The following ZNF385D variants were observed in gnomAD, a reference collection of about 807,000 sequenced individuals.
ZNF385D encodes the protein zinc finger protein 659.
In ZNF385D, 15 loss-of-function variants were observed where a neutral mutation model predicts 35.8. That is an observed-to-expected ratio of 0.42 (90% CI 0.28 to 0.64). The LOEUF (loss-of-function observed/expected upper bound fraction) is 0.64. Ranked by LOEUF, ZNF385D falls within the 30% of genes least tolerant of loss-of-function variation. The pLI is 0.23. For synonymous variants in ZNF385D, 212 were observed against 186.8 expected, an observed-to-expected ratio of 1.13 and a Z score of -1.10; for missense variants, 474 against 494.6, an observed-to-expected ratio of 0.96 and a Z score of 0.39.
chr3:22,204,400 C>T (rs13100521), intron 2 of ZNF385D, among the ~76,000 whole-genome samples: 27,886 of 151,852 alleles, frequency 0.18, 2,809 homozygotes, highest in African/African-American at 0.23. Context: ...TGGAAACAAA[C>T]AATCCCAGAT....
In ZNF385D at chr3:21,764,792, G is replaced by C. The variant is rs2070756830; in HGVS notation, c.326-99764C>G. Among the ~76,000 whole-genome samples, 4 of 152,242 alleles carry C rather than the reference G, an allele frequency of 2.6e-5. No individual in the cohort carries two copies. In the South Asian group the frequency reaches 8.3e-4, roughly 32 times the overall value. ...CACAGAGTGGCACTGAAGCATGGAA[G>C]AAATGACACTTTGAGGAAAATACCA... On this transcript the variant is annotated intron_variant, in intron 3 of 5. Coordinates refer to the ZNF385D transcript ENST00000494108.
chr3:21,758,464 A>T (rs1482492843), intron 3 of ZNF385D, among the ~76,000 whole-genome samples: 2 of 152,154 alleles, frequency 1.3e-5, no homozygotes, highest in Admixed American at 1.3e-4. Flanking sequence ...TCTGAAGGAA[A>T]CCCAGCTAGG....
At chr3:21,744,274 A>G (rs2069658060) in intron 1 of ZNF385D, among the ~76,000 whole-genome samples, 1 of 152,232 alleles carries the variant, frequency 6.6e-6, no homozygotes, top group Admixed American at 6.5e-5. Flanking sequence ...AAATTGCTAT[A>G]CAAGTGTAAG....
chr3:21,948,062 T>C (rs1421909044), intron 3 of ZNF385D, among the ~76,000 whole-genome samples: 1 of 150,740 alleles, frequency 6.6e-6, no homozygotes. Flanking sequence ...CTGGACTTTC[T>C]GTTATAATTT....
chr3:22,273,488 G>A (rs1397210709), intron 2 of ZNF385D, among the ~76,000 whole-genome samples: 1 of 151,914 alleles, frequency 6.6e-6, no homozygotes, highest in African/African-American at 2.4e-5. Context: ...GGCCAGAGAA[G>A]ATGTTAAATA....
At chr3:22,167,864 T>A (rs1051277384) in intron 3 of ZNF385D, among the ~76,000 whole-genome samples, 2 of 152,212 alleles carry the variant, frequency 1.3e-5, no homozygotes, top group Non-Finnish European at 2.9e-5. Context: ...AAATAAAAAA[T>A]CCTTTCCAAT....
At chr3:21,609,940 T>G (rs1410643213) in intron 2 of ZNF385D, among the ~76,000 whole-genome samples, 1 of 152,210 alleles carries the variant, frequency 6.6e-6, no homozygotes, top group Non-Finnish European at 1.5e-5. Context: ...TTAGCTTTAC[T>G]CTTAAACTGT....
intron 7 of ZNF385D, among the ~76,000 whole-genome samples, chr3:21,422,425 C>A (rs1402150746): frequency 6.6e-6 from 1 of 152,148 alleles, no homozygotes; most frequent in Non-Finnish European, 1.5e-5. Context: ...AAATTTGTGT[C>A]ATGCCTTGCT....
intron 2 of ZNF385D, among the ~76,000 whole-genome samples, chr3:22,246,841 AATTCTG>A (rs1699809904): frequency 6.6e-6 from 1 of 152,136 alleles, no homozygotes; most frequent in Non-Finnish European, 1.5e-5. Flanking sequence ...CTTCCCTAGA[AATTCTG>A]ATTCTAATTA....
chr3:21,714,876 C>T (rs899177196), intron 1 of ZNF385D, among the ~76,000 whole-genome samples: 6 of 152,152 alleles, frequency 3.9e-5, no homozygotes, highest in African/African-American at 1.4e-4. Flanking sequence ...ATAAGACACA[C>T]ATGCATATTA....
chr3:21,792,490 T>A (rs1168590815), intron 3 of ZNF385D, among the ~76,000 whole-genome samples: 2 of 152,222 alleles, frequency 1.3e-5, no homozygotes, highest in Non-Finnish European at 2.9e-5. Flanking sequence ...CAGTTGAGTA[T>A]TCCGCTGGAG....
chr3:21,669,013 T>A (rs1220369559), intron 1 of ZNF385D, among the ~76,000 whole-genome samples: 1 of 152,206 alleles, frequency 6.6e-6, no homozygotes, highest in Non-Finnish European at 1.5e-5. Context: ...TTCATTGGAA[T>A]GCCACATTTC....
At chr3:22,326,022 C>T (rs1694660931) in intron 2 of ZNF385D, among the ~76,000 whole-genome samples, 1 of 152,114 alleles carries the variant, frequency 6.6e-6, no homozygotes, top group Non-Finnish European at 1.5e-5. Context: ...GACACACTGG[C>T]TCTCTTCCCT....
chr3:21,786,026 T>TTC (rs1244683813), intron 3 of ZNF385D, among the ~76,000 whole-genome samples: 3 of 151,856 alleles, frequency 2.0e-5, no homozygotes, highest in Non-Finnish European at 4.4e-5. Flanking sequence ...TTTACCCTTT[T>TTC]TTTTTTTACC....
chr3:22,248,229 T>A (rs1370805444), intron 2 of ZNF385D, among the ~76,000 whole-genome samples: 1 of 152,102 alleles, frequency 6.6e-6, no homozygotes, highest in East Asian at 1.9e-4. Flanking sequence ...CAATCACCAA[T>A]CACCTGCAAG....
chr3:22,060,947 CAAATTA>C (rs1699657004), intron 3 of ZNF385D, among the ~76,000 whole-genome samples: 1 of 151,764 alleles, frequency 6.6e-6, no homozygotes, highest in South Asian at 2.1e-4. Flanking sequence ...AATTTCATAT[CAAATTA>C]AAATTAAGTA....
intron 3 of ZNF385D, among the ~76,000 whole-genome samples, chr3:22,111,168 T>TG (rs1702503285): frequency 1.6e-5 from 2 of 122,238 alleles, no homozygotes; most frequent in South Asian, 2.7e-4. Context: ...TTTTTTTTTT[T>TG]TTTTTTTTGT....
chr3:22,243,642 C>G (rs899511435), intron 2 of ZNF385D, among the ~76,000 whole-genome samples: 1 of 150,976 alleles, frequency 6.6e-6, no homozygotes, highest in Admixed American at 6.6e-5. Context: ...AAATGAAAAT[C>G]AAAAGATGTT....
At chr3:21,826,083 C>T (rs950074572) in intron 3 of ZNF385D, among the ~76,000 whole-genome samples, 1 of 152,134 alleles carries the variant, frequency 6.6e-6, no homozygotes, top group Non-Finnish European at 1.5e-5. Flanking sequence ...AAAACTGGTC[C>T]CTAGTGCCAA....
Sources: allele counts gnomAD v4.1 joint callset (sites outside exome capture counted in the v4.1 genomes callset), GRCh38; gene constraint gnomAD v4.1.1; transcripts MANE v1.5; gene names NCBI Gene and HGNC (gene_info 2026-07-23, HGNC 2026-07-21).